Variants in FANCL observed in about 807,000 individuals in gnomAD.
FANCL encodes FA complementation group L.
In FANCL, 69 loss-of-function variants were observed where a neutral mutation model predicts 59.4. That is an observed-to-expected ratio of 1.16 (90% CI 0.96 to 1.42). The LOEUF is 1.42. Ranked by LOEUF, FANCL falls within the 40% of genes most tolerant of loss-of-function variation. FANCL has a pLI of 0.00. For synonymous variants in FANCL, 180 were observed against 147.1 expected, an observed-to-expected ratio of 1.22 and a Z score of -1.62; for missense variants, 519 against 447.2, an observed-to-expected ratio of 1.16 and a Z score of -1.45.
chr2:58,165,976 AT>A (rs1685907919), intron 7 of FANCL, 102 bp from the exon 8 acceptor site: 2 of 1,176,426 alleles, frequency 1.7e-6, no homozygotes, highest in Non-Finnish European at 2.5e-6. Flanking sequence ...AAGCTGTTTC[AT>A]TTTAGCTACA....
At chr2:58,186,881 C>T (rs775449389) in intron 7 of FANCL, among the ~76,000 whole-genome samples, 4 of 152,102 alleles carry the variant, frequency 2.6e-5, no homozygotes, top group African/African-American at 4.8e-5. Context: ...CATCTCACAC[C>T]AGTTAGAATG....
chr2:58,172,355 T>G (rs972936647), intron 7 of FANCL, among the ~76,000 whole-genome samples: 2 of 152,138 alleles, frequency 1.3e-5, no homozygotes, highest in African/African-American at 4.8e-5. Flanking sequence ...CACCGCCCAG[T>G]AGGGGCAGAC....
chr2:58,213,397 C>T (rs1320168162), intron 5 of FANCL: 4 of 152,062 alleles, frequency 2.6e-5, no homozygotes, highest in Non-Finnish European at 4.4e-5. Flanking sequence ...AAGAGTTAAG[C>T]CATAAAAATA....
At chr2:58,234,279 G>A (rs1380497086) in intron 1 of FANCL, among the ~76,000 whole-genome samples, 3 of 151,918 alleles carry the variant, frequency 2.0e-5, no homozygotes, top group Admixed American at 2.0e-4. Context: ...AAACTAAAAT[G>A]AGAAATTGTA....
At chr2:58,225,046 A>G (rs995714348) in intron 4 of FANCL, among the ~76,000 whole-genome samples, 2 of 151,914 alleles carry the variant, frequency 1.3e-5, no homozygotes, top group Non-Finnish European at 2.9e-5. Flanking sequence ...TAAAATGAAT[A>G]AATGAACCTG....
intron 6 of FANCL, among the ~76,000 whole-genome samples, chr2:58,200,049 A>G (rs1689840124): frequency 6.6e-6 from 1 of 151,898 alleles, no homozygotes; most frequent in Non-Finnish European, 1.5e-5. Flanking sequence ...ACTAATTAAC[A>G]CAAAGGCAAA....
At chr2:58,210,653 C>T (rs1243455155) in intron 5 of FANCL, among the ~76,000 whole-genome samples, 1 of 152,072 alleles carries the variant, frequency 6.6e-6, no homozygotes, top group Non-Finnish European at 1.5e-5. Context: ...CACCGATGAG[C>T]CTAATAAAAT....
chr2:58,190,608 A>G (rs1281599169), intron 7 of FANCL, among the ~76,000 whole-genome samples: 1 of 151,948 alleles, frequency 6.6e-6, no homozygotes, highest in South Asian at 2.1e-4. Flanking sequence ...AGCTATATCT[A>G]ATTTTTCATC....
chr2:58,165,917 C>A (rs757622310), intron 7 of FANCL, 43 bp from the exon 8 acceptor site: 1 of 1,579,230 alleles, frequency 6.3e-7, no homozygotes, highest in South Asian at 1.1e-5. Flanking sequence ...TGGTACTCTA[C>A]CAATAGCAGA....
At chr2:58,161,732 G>T (rs1228175685) in intron 11 of FANCL, 94 bp from the exon 12 acceptor site, 8 of 772,310 alleles carry the variant, frequency 1.0e-5, no homozygotes, top group Non-Finnish European at 1.8e-5. Context: ...TTTGATACAT[G>T]TATACAGTGT....
At chr2:58,237,015 G>C (rs1694084388) in intron 1 of FANCL, among the ~76,000 whole-genome samples, 2 of 152,052 alleles carry the variant, frequency 1.3e-5, no homozygotes. Context: ...AAGATCGTTG[G>C]AGATTTCAAC....
chr2:58,232,753 G>A (rs1415437025), intron 1 of FANCL, among the ~76,000 whole-genome samples: 1 of 151,924 alleles, frequency 6.6e-6, no homozygotes, highest in Non-Finnish European at 1.5e-5. Flanking sequence ...AAAGACCTCT[G>A]AGACATTTAT....
intron 5 of FANCL, among the ~76,000 whole-genome samples, chr2:58,206,411 G>T (rs1415391462): frequency 6.6e-6 from 1 of 152,068 alleles, no homozygotes; most frequent in African/African-American, 2.4e-5. Context: ...AATAATATGG[G>T]AGACTGCTTT....
chr2:58,187,309 G>A (rs1313550148), intron 7 of FANCL, among the ~76,000 whole-genome samples: 7 of 150,756 alleles, frequency 4.6e-5, no homozygotes, highest in African/African-American at 1.5e-4. Context: ...GCAAACTATC[G>A]CAAGCACAGA....
Position 58,209,052 on chromosome 2 carries a change from A to C in FANCL, c.375-4826T>G, listed in dbSNP as rs1573718967. Among the ~76,000 whole-genome samples the C allele has an allele frequency of 3.9e-5, 6 of 152,306 alleles. No individual in the cohort carries two copies. In the South Asian group the frequency reaches 1.0e-3, roughly 26 times the overall value. The stretch of plus-strand genomic sequence containing the variant: ...CTTTAAAGGCTCTGTATATTCCTTC[A>C]AAGCTTATCCCAACATTCATCTCCT... On this transcript the variant is annotated intron_variant, in intron 5 of 13. Coordinates refer to ENST00000233741, the MANE Select transcript of FANCL (RefSeq NM_018062.4).
chr2:58,189,156 T>C (rs1485648458), intron 7 of FANCL, among the ~76,000 whole-genome samples: 3 of 152,168 alleles, frequency 2.0e-5, no homozygotes, highest in Admixed American at 2.0e-4. Context: ...TGGGATGTGA[T>C]GGATGTGTTT....
intron 7 of FANCL, among the ~76,000 whole-genome samples, chr2:58,191,804 G>A (rs1396342795): frequency 2.6e-5 from 4 of 151,864 alleles, no homozygotes; most frequent in Non-Finnish European, 5.9e-5. Context: ...TTTACAAACT[G>A]CATTAACTCC....
chr2:58,193,537 A>G (rs1689141280), intron 7 of FANCL, among the ~76,000 whole-genome samples: 1 of 152,134 alleles, frequency 6.6e-6, no homozygotes, highest in Non-Finnish European at 1.5e-5. Flanking sequence ...TAATCTCAAT[A>G]ATAAATTTTC....
At chr2:58,220,483 C>T (rs1041962753) in intron 5 of FANCL, among the ~76,000 whole-genome samples, 8 of 152,104 alleles carry the variant, frequency 5.3e-5, no homozygotes, top group African/African-American at 1.4e-4. Flanking sequence ...GCAAAGGCAA[C>T]GAAAATAATT....
Sources: allele counts gnomAD v4.1 joint callset (sites outside exome capture counted in the v4.1 genomes callset), GRCh38; gene constraint gnomAD v4.1.1; transcripts MANE v1.5; gene names NCBI Gene and HGNC (gene_info 2026-07-23, HGNC 2026-07-21).